Variants in TMTC1 observed in about 807,000 individuals in gnomAD.
TMTC1 encodes the protein transmembrane O-mannosyltransferase targeting cadherins 1.
TMTC1 carries 73 observed loss-of-function variants against 104.8 expected under a neutral mutation model. The ratio of observed to expected loss-of-function variants is 0.70; its 90% CI spans 0.58 to 0.85. The LOEUF (loss-of-function observed/expected upper bound fraction) is 0.85. TMTC1 is among the 40% of genes least tolerant of loss of function. The pLI is 0.00. For missense variants in TMTC1, 1,035 were observed against 1,096.1 expected, an observed-to-expected ratio of 0.94 and a Z score of 0.79; for synonymous variants, 434 against 428.7, an observed-to-expected ratio of 1.01 and a Z score of -0.15.
intron 5 of TMTC1, among the ~76,000 whole-genome samples, chr12:29,745,008 C>G (rs1942915133): frequency 6.6e-6 from 1 of 152,098 alleles, no homozygotes; most frequent in South Asian, 2.1e-4. Flanking sequence ...TCACTACAGC[C>G]ACAAACTCTT....
chr12:29,518,578 G>A lies in TMTC1; in HGVS notation c.1918C>T (p.Gln640Ter). 1 of 1,614,096 alleles carries A rather than the reference G, an allele frequency of 6.2e-7. No homozygotes were observed. Among genetic ancestry groups the A allele is most frequent in the African/African-American group, 1.3e-5 (1 of 75,042 alleles). Residue 640 changes from glutamine (Q) to a stop codon, truncating the protein, a stop_gained, in exon 13 of 18, where the codon CAG becomes TAG. Coordinates refer to ENST00000539277, the MANE Select transcript of TMTC1 (RefSeq NM_001193451.2). LOFTEE classifies it high-confidence loss of function. ...CTGGGGCTAAGTTTGATGGCCTGCT[G>A]GTAATGGGCCACTGCCTTTTCTGGT... ...GLPEKAVAHY[Q>*]QAIKLSPSHH... is the part of the protein sequence containing the mutation.
At chr12:29,658,042 G>A (rs1591877232) in intron 5 of TMTC1, among the ~76,000 whole-genome samples, 1 of 152,034 alleles carries the variant, frequency 6.6e-6, no homozygotes, top group African/African-American at 2.4e-5. Flanking sequence ...GCAGTGAGCC[G>A]AGATCACGCC....
intron 5 of TMTC1, among the ~76,000 whole-genome samples, chr12:29,714,363 A>C (rs991857015): frequency 2.0e-5 from 3 of 152,234 alleles, no homozygotes; most frequent in Non-Finnish European, 4.4e-5. Context: ...GAATATTAAA[A>C]AGACATATAC....
intron 7 of TMTC1, among the ~76,000 whole-genome samples, chr12:29,586,884 G>C (rs1188188500): frequency 3.9e-5 from 6 of 152,028 alleles, no homozygotes; most frequent in Non-Finnish European, 8.8e-5. Flanking sequence ...AAGGATAGTG[G>C]TCTAAAATTC....
chr12:29,529,304 T>C (rs939925676), intron 11 of TMTC1, among the ~76,000 whole-genome samples: 12 of 152,074 alleles, frequency 7.9e-5, no homozygotes, highest in African/African-American at 2.7e-4. Flanking sequence ...GTACCTACTG[T>C]ATAGAGGTGT....
intron 5 of TMTC1, among the ~76,000 whole-genome samples, chr12:29,719,424 T>A (rs1230701822): frequency 6.6e-6 from 1 of 152,226 alleles, no homozygotes; most frequent in African/African-American, 2.4e-5. Flanking sequence ...ACTTGAAGTT[T>A]TTTTGGAAAA....
chr12:29,693,552 T>G (rs899622738), intron 5 of TMTC1, among the ~76,000 whole-genome samples: 2 of 152,136 alleles, frequency 1.3e-5, no homozygotes, highest in Admixed American at 6.5e-5. Context: ...CCTCTAATAT[T>G]AATAACTACT....
chr12:29,588,429 T>A (rs1291733282), intron 7 of TMTC1, among the ~76,000 whole-genome samples: 2 of 152,214 alleles, frequency 1.3e-5, no homozygotes, highest in Non-Finnish European at 2.9e-5. Context: ...CTTTGCCCCC[T>A]GTTCCTCTAG....
rs1019239777 is a variant in TMTC1 at position 29,619,081 on chromosome 12, GA to G, written c.1128+14065del. 1.7e-4 allele frequency among the ~76,000 whole-genome samples: 26 copies of G among 151,192 alleles called. 1 individual carries two copies. The highest frequency in any genetic ancestry group is 3.9e-4 in the East Asian group (2 of 5,158). On this transcript the variant is annotated intron_variant, in intron 6 of 17. Coordinates refer to ENST00000539277, the MANE Select transcript of TMTC1 (RefSeq NM_001193451.2). Reference sequence around the variant, plus strand: ...GAATCACAAAGCATACAAATCAGGGGAAAAAAAAACTAAAGCTGTTAGTGAT... The same window carrying G: ...GAATCACAAAGCATACAAATCAGGGGAAAAAAAACTAAAGCTGTTAGTGAT...
chr12:29,783,574 T>G lies in TMTC1; in HGVS notation c.178A>C (p.Asn60His). 7 of 1,483,404 alleles carry G rather than the reference T, an allele frequency of 4.7e-6. No individual in the cohort carries two copies. The highest frequency in any genetic ancestry group is 6.2e-6 in the Non-Finnish European group (7 of 1,120,712). The allele number at this position is 1,483,404 out of a possible 1,614,324, so 91.9% of individuals were successfully genotyped here. ...VHDDVWAIVNNPDVRPGAPLR... is the reference protein window; with the variant it reads ...VHDDVWAIVNHPDVRPGAPLR... The stretch of plus-strand genomic sequence containing the variant: ...GGGGCGCCGGGCCGCACGTCGGGGT[T>G]GTTCACGATCGCCCACACGTCGTCG... Residue 60 changes from asparagine to histidine, a missense_variant, in exon 1 of 18, where the codon AAC (asparagine) becomes CAC (histidine). Coordinates refer to ENST00000539277, the MANE Select transcript of TMTC1 (RefSeq NM_001193451.2). This position sits in a 1 kb window ranked among gnomAD's most constrained non-coding sequence, Gnocchi z 4.7.
At chr12:29,511,990 G>A in intron 17 of TMTC1, 53 bp downstream of exon 17, 1 of 1,497,358 alleles carries the variant, frequency 6.7e-7, no homozygotes, top group Non-Finnish European at 9.3e-7. Flanking sequence ...AAGACAGAGA[G>A]AGAAAACACA....
rs1944577663 is a variant in TMTC1, at chr12:29,534,065, A to G, written c.1785+2144T>C. 4.6e-5 allele frequency: 7 copies of G among 152,210 alleles called. 1 individual carries two copies. The highest frequency in any genetic ancestry group is 4.6e-4 in the Admixed American group (7 of 15,282). 9.4% of individuals were successfully genotyped at this position (152,210 alleles called of 1,614,324 possible). ...GTTACATGTTGCCCAAGGTTTGTCA[A>G]TACTGATTTCATACACTCTGGGTGT... On this transcript the variant is annotated intron_variant, in intron 11 of 17. Transcript: ENST00000539277.
At chr12:29,658,503 T>A (rs1383180780) in intron 5 of TMTC1, 1 of 153,106 alleles carries the variant, frequency 6.5e-6, no homozygotes, top group Non-Finnish European at 1.5e-5. Flanking sequence ...GGAAGCTATC[T>A]CCGCTCTTAG....
At chr12:29,513,430 A>G (rs116910809) in intron 16 of TMTC1, among the ~76,000 whole-genome samples, 1 of 152,266 alleles carries the variant, frequency 6.6e-6, no homozygotes, top group East Asian at 1.9e-4. Context: ...AAAATGTTGA[A>G]AAGGCAGAGA....
intron 5 of TMTC1, among the ~76,000 whole-genome samples, chr12:29,677,383 T>C (rs1161690830): frequency 6.6e-6 from 1 of 152,202 alleles, no homozygotes; most frequent in Non-Finnish European, 1.5e-5. Flanking sequence ...ACATAAAATA[T>C]GTGCCATAAA....
chr12:29,770,499 G>C (rs181924529), intron 1 of TMTC1, among the ~76,000 whole-genome samples: 36 of 152,232 alleles, frequency 2.4e-4, no homozygotes, highest in Middle Eastern at 3.4e-3. Flanking sequence ...TGGGGTTATA[G>C]AAAAAACACG....
chr12:29,589,286 A>G (rs1295384476), intron 7 of TMTC1, among the ~76,000 whole-genome samples: 2 of 152,196 alleles, frequency 1.3e-5, no homozygotes, highest in African/African-American at 4.8e-5. Flanking sequence ...CAGACTGCAG[A>G]TTGTTTCTGT....
At chr12:29,618,304 T>A (rs534398121) in intron 6 of TMTC1, among the ~76,000 whole-genome samples, 1 of 152,220 alleles carries the variant, frequency 6.6e-6, no homozygotes, top group Non-Finnish European at 1.5e-5. Context: ...TTGAATTTGA[T>A]ACTACAGTGT....
chr12:29,561,457 T>G (rs559853533), intron 9 of TMTC1, among the ~76,000 whole-genome samples: 2 of 152,190 alleles, frequency 1.3e-5, no homozygotes, highest in African/African-American at 4.8e-5. Context: ...CTGCAAAAAT[T>G]TGTCTTCTGT....
Sources: gnomAD v4.1 joint callset for allele counts (sites outside exome capture counted in the v4.1 genomes callset) on GRCh38, gnomAD v4.1.1 for gene constraint, Gnocchi (gnomAD v3.1) non-coding constraint, MANE v1.5 for transcripts, NCBI Gene and HGNC (gene_info 2026-07-23, HGNC 2026-07-21) for gene names.